Variants in C8orf34 observed in about 807,000 individuals in gnomAD.
C8orf34 encodes uncharacterized protein C8orf34.
C8orf34 carries 65 observed loss-of-function variants against 68.3 expected under a neutral mutation model. The ratio of observed to expected loss-of-function variants is 0.95; its 90% CI spans 0.78 to 1.17. C8orf34 has a LOEUF of 1.17. Among genes scored for constraint, C8orf34 ranks in the 50% most tolerant of loss-of-function variants. The probability of loss-of-function intolerance (pLI) is 0.00; values close to 1 mark genes in which losing one functional copy is unlikely to be tolerated. For missense variants in C8orf34, 664 were observed against 655.4 expected, an observed-to-expected ratio of 1.01 and a Z score of -0.14; for synonymous variants, 244 against 241.2, an observed-to-expected ratio of 1.01 and a Z score of -0.11.
chr8:68,775,067 CA>C (rs139853707), intron 10 of C8orf34, among the ~76,000 whole-genome samples: 13,175 of 141,978 alleles, frequency 0.093, 655 homozygotes, highest in Non-Finnish European at 0.11. Context: ...GCAGTAAGCC[CA>C]GGAAAAAAAA....
intron 1 of C8orf34, among the ~76,000 whole-genome samples, chr8:68,376,011 G>T (rs531698523): frequency 6.6e-6 from 1 of 152,046 alleles, no homozygotes; most frequent in African/African-American, 2.4e-5. Flanking sequence ...AATATACCAT[G>T]ACTGGGTTAG....
At chr8:68,606,372 C>A (rs1817853836) in intron 7 of C8orf34, among the ~76,000 whole-genome samples, 1 of 151,998 alleles carries the variant, frequency 6.6e-6, no homozygotes, top group Admixed American at 6.6e-5. Context: ...AAAAGATATT[C>A]CCTCATATAT....
intron 4 of C8orf34, among the ~76,000 whole-genome samples, chr8:68,484,672 C>T (rs570480664): frequency 6.6e-6 from 1 of 152,264 alleles, no homozygotes; most frequent in East Asian, 1.9e-4. Flanking sequence ...TTCTGCTAGA[C>T]ACTGGGAGAG....
chr8:68,500,685 A>T (rs1195246853), intron 5 of C8orf34, among the ~76,000 whole-genome samples: 4 of 152,136 alleles, frequency 2.6e-5, no homozygotes, highest in African/African-American at 7.2e-5. Flanking sequence ...GATGAGAGAG[A>T]AAAAAATGGT....
chr8:68,698,820 G>T (rs971539739), intron 8 of C8orf34, among the ~76,000 whole-genome samples: 11 of 152,136 alleles, frequency 7.2e-5, no homozygotes, highest in African/African-American at 2.6e-4. Context: ...TATTTGGGAA[G>T]AAAATTTAGT....
intron 11 of C8orf34, among the ~76,000 whole-genome samples, chr8:68,783,445 G>C (rs1481388034): frequency 1.4e-5 from 2 of 140,898 alleles, no homozygotes; most frequent in Non-Finnish European, 3.0e-5. Flanking sequence ...TTGAACCTGG[G>C]AGGCGGAGGT....
At chr8:68,351,845 A>G (rs1008346390) in intron 1 of C8orf34, among the ~76,000 whole-genome samples, 3 of 152,084 alleles carry the variant, frequency 2.0e-5, no homozygotes, top group Non-Finnish European at 2.9e-5. Flanking sequence ...GTTGCTTCAC[A>G]TCCTTGCCAA....
At chr8:68,705,016 G>A (rs1157724413) in intron 8 of C8orf34, among the ~76,000 whole-genome samples, 1 of 152,138 alleles carries the variant, frequency 6.6e-6, no homozygotes, top group Non-Finnish European at 1.5e-5. Context: ...TCACACTATG[G>A]TGGTACTATA....
At chr8:68,635,127 A>G (rs901908089) in intron 7 of C8orf34, among the ~76,000 whole-genome samples, 6 of 152,128 alleles carry the variant, frequency 3.9e-5, no homozygotes, top group African/African-American at 1.4e-4. Context: ...ATGAAAGGAG[A>G]GTTCTGGCAG....
In C8orf34 at chr8:68,477,083, T is replaced by A. The variant is rs1812650681; in HGVS notation, c.736+8263T>A. 2.0e-5 allele frequency among the ~76,000 whole-genome samples: 3 copies of A among 152,204 alleles called. No individual in the cohort carries two copies. In the South Asian group the frequency reaches 6.2e-4, roughly 32 times the overall value. ...GGGCCTTGAAATCTCAACTCCTAGG[T>A]AACCTTTGTTTCCTTAACCTTAAGG... On this transcript the variant is annotated intron_variant, in intron 4 of 13. Transcript: ENST00000518698.
intron 4 of C8orf34, among the ~76,000 whole-genome samples, chr8:68,469,342 A>G (rs1171845786): frequency 6.6e-6 from 1 of 151,936 alleles, no homozygotes; most frequent in African/African-American, 2.4e-5. Flanking sequence ...TCTGCCATCT[A>G]TGACATAATT....
At chr8:68,478,268 C>CAG (rs1812710270) in intron 4 of C8orf34, among the ~76,000 whole-genome samples, 1 of 152,198 alleles carries the variant, frequency 6.6e-6, no homozygotes, top group Non-Finnish European at 1.5e-5. Context: ...CCATCAGTCT[C>CAG]TTTACTAAAG....
intron 10 of C8orf34, among the ~76,000 whole-genome samples, chr8:68,761,047 C>T (rs1404914878): frequency 6.6e-6 from 1 of 152,152 alleles, no homozygotes; most frequent in African/African-American, 2.4e-5. Context: ...GGTCTATAGC[C>T]GGTACTGGAT....
chr8:68,655,211 A>G lies in C8orf34; in HGVS notation c.1241+14700A>G, dbSNP rs576575795. ...TAGCTTTGGATTTAATTTTGGTGCA[A>G]AAATCTAAACTCTTACAATAATCAT... On this transcript the variant is annotated intron_variant, in intron 8 of 13. Transcript: ENST00000518698. 6.6e-4 allele frequency among the ~76,000 whole-genome samples: 100 copies of G among 152,278 alleles called. 1 individual carries two copies. Among genetic ancestry groups the G allele is most frequent in the Non-Finnish European group, 1.2e-3 (82 of 68,000 alleles).
intron 12 of C8orf34, among the ~76,000 whole-genome samples, chr8:68,788,493 T>C (rs1189779332): frequency 1.3e-5 from 2 of 152,124 alleles, no homozygotes; most frequent in African/African-American, 4.8e-5. Context: ...GCTGTCACAT[T>C]CAGGAATAGA....
intron 1 of C8orf34, among the ~76,000 whole-genome samples, chr8:68,380,958 A>G (rs987064445): frequency 3.3e-5 from 5 of 152,240 alleles, no homozygotes; most frequent in African/African-American, 7.2e-5. Flanking sequence ...AGATGATAAA[A>G]TATAAGCAAA....
chr8:68,435,287 A>C (rs528904877), intron 1 of C8orf34, among the ~76,000 whole-genome samples: 2,421 of 152,034 alleles, frequency 0.016, 84 homozygotes, highest in African/African-American at 0.054. Context: ...ACTAAGAGTT[A>C]AGTCAGGAAA....
intron 7 of C8orf34, among the ~76,000 whole-genome samples, chr8:68,634,280 A>G (rs1818774760): frequency 6.6e-6 from 1 of 152,208 alleles, no homozygotes; most frequent in Non-Finnish European, 1.5e-5. Context: ...AGGTCAGAGT[A>G]ATTTTCTTGC....
intron 8 of C8orf34, among the ~76,000 whole-genome samples, chr8:68,645,605 G>T (rs915005282): frequency 2.0e-5 from 3 of 152,062 alleles, no homozygotes; most frequent in Non-Finnish European, 2.9e-5. Context: ...TCAAGGTCAA[G>T]AAATCATTTT....
Sources: gnomAD v4.1 joint callset for allele counts (sites outside exome capture counted in the v4.1 genomes callset) on GRCh38, gnomAD v4.1.1 for gene constraint, MANE v1.5 for transcripts, NCBI Gene and HGNC (gene_info 2026-07-23, HGNC 2026-07-21) for gene names.